Variants in SDK2 observed in about 807,000 individuals in gnomAD.
SDK2 encodes the protein sidekick cell adhesion molecule 2.
In SDK2, 105 loss-of-function variants were observed where a neutral mutation model predicts 253.9. That is an observed-to-expected ratio of 0.41 (90% CI 0.35 to 0.49). The LOEUF is 0.49. SDK2 is among the 20% of genes least tolerant of loss of function. The probability of loss-of-function intolerance (pLI) is 0.06; values close to 1 mark genes in which losing one functional copy is unlikely to be tolerated. For synonymous variants in SDK2, 1,249 were observed against 1,234.9 expected (o/e 1.01, Z -0.24); for missense variants, 2,608 against 3,003.0 (o/e 0.87, Z 3.07).
rs1035155376 is a variant in SDK2 at position 73,639,562 on chromosome 17, T to C, written c.64+4463A>G. Among the ~76,000 whole-genome samples the C allele has an allele frequency of 6.6e-6, 1 of 152,182 alleles. No homozygotes were observed. Among genetic ancestry groups the C allele is most frequent in the Non-Finnish European group, 1.5e-5 (1 of 68,034 alleles). On this transcript the variant is annotated intron_variant, in intron 1 of 44. Coordinates refer to ENST00000392650, the MANE Select transcript of SDK2 (RefSeq NM_001144952.2). This position sits in a 1 kb window ranked among gnomAD's most constrained non-coding sequence, Gnocchi z 4.3. ...ATTGGCATCCCAAGGCCCCAAATTA[T>C]GATGACTAATTCCCACCGCTTTAGG...
rs1046015666 is a variant in SDK2, at chr17:73,642,332, T to C, written c.64+1693A>G. 6.6e-6 allele frequency among the ~76,000 whole-genome samples: 1 copy of C among 152,188 alleles called. No homozygotes were observed. The highest frequency in any genetic ancestry group is 1.5e-5 in the Non-Finnish European group (1 of 68,034). On this transcript the variant is annotated intron_variant, in intron 1 of 44. Coordinates refer to ENST00000392650, the MANE Select transcript of SDK2 (RefSeq NM_001144952.2). This position sits in a 1 kb window ranked among gnomAD's most constrained non-coding sequence, Gnocchi z 4.7. The stretch of plus-strand genomic sequence containing the variant: ...GGGAAATCATACCATTGTTGAAAAG[T>C]CTGTAGAGCAATGAAGTTAGAAGGG...
At position 73,587,510 on chromosome 17, in the gene SDK2, C is replaced by G. The variant is rs539922513; in HGVS notation, c.64+56515G>C. ...ATTTCCCTTTGGCCGCAGGGTGGCT[C>G]GGGCCATCTCTGCACGTTATCTGTG... is the stretch of plus-strand genomic sequence containing the variant. On this transcript the variant is annotated intron_variant, in intron 1 of 44. Transcript: ENST00000392650. Among the ~76,000 whole-genome samples the G allele has an allele frequency of 2.0e-5, 3 of 152,348 alleles. No homozygotes were observed. The South Asian group carries it at 6.2e-4, about 32-fold the overall frequency.
intron 36 of SDK2, among the ~76,000 whole-genome samples, chr17:73,371,504 C>T (rs2062734185): frequency 6.6e-6 from 1 of 152,170 alleles, no homozygotes; most frequent in Non-Finnish European, 1.5e-5. Context: ...TTATTAACAA[C>T]TTTGGCAGGA....
intron 18 of SDK2, among the ~76,000 whole-genome samples, chr17:73,411,369 G>A (rs2063124431): frequency 6.6e-6 from 1 of 152,200 alleles, no homozygotes; most frequent in Admixed American, 6.5e-5. Context: ...AATCTTAGTT[G>A]TGGCAAGCAC....
At chr17:73,488,378 AC>A (rs1321004182) in intron 2 of SDK2, among the ~76,000 whole-genome samples, 1 of 152,226 alleles carries the variant, frequency 6.6e-6, no homozygotes, top group Non-Finnish European at 1.5e-5. Context: ...GTTTTCAAAC[AC>A]ACATTTGTTC....
At chr17:73,346,362 G>C (rs191203920) in intron 44 of SDK2, among the ~76,000 whole-genome samples, 11 of 152,190 alleles carry the variant, frequency 7.2e-5, no homozygotes, top group East Asian at 3.9e-4. Context: ...CCATTGGCTC[G>C]GAATTTCTTT....
chr17:73,423,616 C>T, intron 13 of SDK2, 94 bp from the exon 14 acceptor site: 1 of 1,303,468 alleles, frequency 7.7e-7, no homozygotes, highest in Non-Finnish European at 1.0e-6. Context: ...CTTGACCTTC[C>T]ATGATACCGC....
chr17:73,640,575 C>T (rs974263002), intron 1 of SDK2, among the ~76,000 whole-genome samples: 2 of 152,164 alleles, frequency 1.3e-5, no homozygotes, highest in East Asian at 1.9e-4. Flanking sequence ...TGGTAATTAG[C>T]GAAAGGCCCT....
At chr17:73,591,271 C>T (rs8068714) in intron 1 of SDK2, among the ~76,000 whole-genome samples, 24,364 of 152,108 alleles carry the variant, frequency 0.16, 2,101 homozygotes, top group African/African-American at 0.19. Flanking sequence ...TGCCACTGGA[C>T]CCTCCCCTGG....
intron 36 of SDK2, among the ~76,000 whole-genome samples, chr17:73,372,589 T>C (rs1282378656): frequency 1.3e-5 from 2 of 151,788 alleles, no homozygotes; most frequent in African/African-American, 4.8e-5. Context: ...CTAAGATCTA[T>C]ATATAGCCGG....
At chr17:73,440,711 C>G in intron 6 of SDK2, 101 bp downstream of exon 6, 4 of 824,454 alleles carry the variant, frequency 4.9e-6, no homozygotes, top group Non-Finnish European at 8.2e-6. Flanking sequence ...TGTCCTGGAT[C>G]CTCAGGTGAT....
Position 73,391,500 on chromosome 17 carries a change from G to T in SDK2, c.3937C>A (p.Arg1313=). 7.6e-7 allele frequency: 1 copy of T among 1,307,222 alleles called. No individual in the cohort carries two copies. The highest frequency in any genetic ancestry group is 3.3e-5 in the South Asian group (1 of 30,124). 81.0% of individuals were successfully genotyped at this position (1,307,222 alleles called of 1,614,324 possible). Residue 1313 remains arginine, a synonymous_variant, in exon 28 of 45, where the codon CGG becomes AGG. Coordinates refer to ENST00000392650, the MANE Select transcript of SDK2 (RefSeq NM_001144952.2). ...CAGATCAGCCGCACAGACGTGGTCC[G>T]CACCTCTGGGAACAGGATGCCCATG... ...PPMGILFPEV[R]TTSVRLIWQP... is the part of the protein sequence containing the mutation.
rs574607163 is a variant in SDK2, at chr17:73,537,675, G to A, written c.65-30078C>T. Among the ~76,000 whole-genome samples, 56 of 152,138 alleles carry A rather than the reference G, an allele frequency of 3.7e-4. No homozygotes were observed. In the East Asian group the frequency reaches 4.9e-3, roughly 13 times the overall value. ...TGCCCAGCCTGGGATGTAGGAGGAG[G>A]CAGAAACCAACTCAGGGAGGGAGAA... On this transcript the variant is annotated intron_variant, in intron 1 of 44. Coordinates refer to ENST00000392650, the MANE Select transcript of SDK2 (RefSeq NM_001144952.2).
chr17:73,549,066 G>A (rs1041868268), intron 1 of SDK2, among the ~76,000 whole-genome samples: 9 of 152,242 alleles, frequency 5.9e-5, no homozygotes, highest in African/African-American at 1.9e-4. Context: ...GTTGGCCGAG[G>A]TGCTGGGCAC....
chr17:73,486,973 G>A (rs995201804), intron 2 of SDK2, among the ~76,000 whole-genome samples: 9 of 152,054 alleles, frequency 5.9e-5, no homozygotes, highest in African/African-American at 1.2e-4. Flanking sequence ...TCACTCTGTC[G>A]CCCAGGCTGG....
At chr17:73,426,236 T>TTTTC (rs2063282171) in intron 12 of SDK2, among the ~76,000 whole-genome samples, 1 of 133,468 alleles carries the variant, frequency 7.5e-6, no homozygotes, top group African/African-American at 2.9e-5. Context: ...TTTTTTTTTT[T>TTTTC]CTGTATTTTT....
At chr17:73,504,019 T>C (rs2063910792) in intron 2 of SDK2, among the ~76,000 whole-genome samples, 1 of 152,142 alleles carries the variant, frequency 6.6e-6, no homozygotes, top group Non-Finnish European at 1.5e-5. Context: ...AAGCTCTTGG[T>C]CTAAGTCCTG....
chr17:73,589,240 G>A (rs1364707537), intron 1 of SDK2, among the ~76,000 whole-genome samples: 1 of 152,264 alleles, frequency 6.6e-6, no homozygotes, highest in Non-Finnish European at 1.5e-5. Context: ...AGTGATGAAT[G>A]CACGTGAGTG....
chr17:73,634,832 C>A (rs2046310579), intron 1 of SDK2, among the ~76,000 whole-genome samples: 1 of 152,138 alleles, frequency 6.6e-6, no homozygotes, highest in African/African-American at 2.4e-5. Context: ...AAAAGCTTAG[C>A]ACAGCTCGTT....
Sources: gnomAD v4.1 joint callset for allele counts (sites outside exome capture counted in the v4.1 genomes callset) on GRCh38, gnomAD v4.1.1 for gene constraint, Gnocchi (gnomAD v3.1) non-coding constraint, MANE v1.5 for transcripts, NCBI Gene and HGNC (gene_info 2026-07-23, HGNC 2026-07-21) for gene names.